The following CHST15 variants were observed in gnomAD, a reference collection of about 807,000 sequenced individuals.
CHST15 encodes B cell RAG associated protein (GALNAC4S-6ST).
In CHST15, 30 loss-of-function variants were observed where a neutral mutation model predicts 53.6. The observed-to-expected ratio is 0.56, with a 90% CI of 0.42 to 0.76. The LOEUF (loss-of-function observed/expected upper bound fraction) is 0.76, where lower values mean the gene tolerates loss of function less well. Among genes scored for constraint, CHST15 ranks in the 30% least tolerant of loss-of-function variants. The probability of loss-of-function intolerance (pLI) is 0.00; values close to 1 mark genes in which losing one functional copy is unlikely to be tolerated. For synonymous variants in CHST15, 296 were observed against 289.8 expected (o/e 1.02, Z -0.22); for missense variants, 627 against 740.5 (o/e 0.85, Z 1.78).
intron 5 of CHST15, among the ~76,000 whole-genome samples, chr10:124,029,167 T>A (rs945744742): frequency 6.6e-6 from 1 of 152,190 alleles, no homozygotes; most frequent in African/African-American, 2.4e-5. Context: ...GATTATATAT[T>A]TTTTTCCTAC....
chr10:124,033,311 C>T (rs1410229603), intron 5 of CHST15, among the ~76,000 whole-genome samples: 1 of 152,248 alleles, frequency 6.6e-6, no homozygotes, highest in East Asian at 1.9e-4. Context: ...GTAACTTACA[C>T]AGAAAATATG....
chr10:124,078,520 T>A (rs1421684191), intron 1 of CHST15, among the ~76,000 whole-genome samples: 1 of 152,218 alleles, frequency 6.6e-6, no homozygotes, highest in Non-Finnish European at 1.5e-5. Context: ...TCTAAGGTTC[T>A]TTATGTCTCA....
chr10:124,080,229 G>A (rs569635310), intron 1 of CHST15, among the ~76,000 whole-genome samples: 69 of 152,258 alleles, frequency 4.5e-4, no homozygotes, highest in African/African-American at 9.1e-4. Flanking sequence ...CAACCCAGGC[G>A]TCCAATAAAC....
intron 1 of CHST15, among the ~76,000 whole-genome samples, chr10:124,088,805 A>G (rs920915804): frequency 4.6e-5 from 7 of 152,228 alleles, no homozygotes; most frequent in African/African-American, 1.7e-4. Context: ...CAATTTAAAA[A>G]ATCTATGTTG....
intron 6 of CHST15, among the ~76,000 whole-genome samples, chr10:124,017,840 T>C (rs1006289418): frequency 3.9e-5 from 6 of 152,026 alleles, no homozygotes; most frequent in African/African-American, 1.5e-4. Flanking sequence ...TGGTGCTGAG[T>C]CTACACTGGC....
At chr10:124,088,602 A>G (rs946223748) in intron 1 of CHST15, among the ~76,000 whole-genome samples, 3 of 151,876 alleles carry the variant, frequency 2.0e-5, no homozygotes, top group African/African-American at 7.3e-5. Flanking sequence ...GTCATTCCCA[A>G]TCCCTCCTCC....
At chr10:124,064,665 G>A (rs1326614941) in intron 1 of CHST15, among the ~76,000 whole-genome samples, 2 of 44,878 alleles carry the variant, frequency 4.5e-5, no homozygotes, top group African/African-American at 1.7e-4. Flanking sequence ...CCCCACCCCC[G>A]AGCCCCCACT....
At position 124,042,374 on chromosome 10, in the gene CHST15, G is replaced by T; in HGVS notation, c.960C>A (p.Ala320=). The change falls in exon 4 of 8, where the codon GCC becomes GCA. Residue 320 remains alanine, a synonymous_variant. Coordinates refer to ENST00000435907, the MANE Select transcript of CHST15 (RefSeq NM_001270764.2). ...GCAGTCCTTGATGGATCTGGTGTGC[G>T]GCCAGGTCAAAGAGGTCCAGATAAT... ...VEDYLDLFDL[A]AHQIHQGLQA... 2 of 1,614,146 alleles carry T rather than the reference G, an allele frequency of 1.2e-6. No homozygotes were observed. The highest frequency in any genetic ancestry group is 1.7e-6 in the Non-Finnish European group (2 of 1,180,006).
At chr10:124,064,735 C>T (rs1231799766) in intron 1 of CHST15, among the ~76,000 whole-genome samples, 1 of 151,938 alleles carries the variant, frequency 6.6e-6, no homozygotes, top group Non-Finnish European at 1.5e-5. Context: ...TCCCAGCCTC[C>T]TTAGCCAGAT....
intron 1 of CHST15, among the ~76,000 whole-genome samples, chr10:124,076,390 A>C (rs1315756361): frequency 6.6e-6 from 1 of 152,174 alleles, no homozygotes. Context: ...AGTCACATGA[A>C]ATTTCCCCAG....
At chr10:124,070,861 G>A (rs972769739) in intron 1 of CHST15, among the ~76,000 whole-genome samples, 4 of 152,128 alleles carry the variant, frequency 2.6e-5, no homozygotes, top group Non-Finnish European at 5.9e-5. Flanking sequence ...AGAACCCGCC[G>A]ACCCACTACC....
chr10:124,032,472 A>AT (rs1224613462), intron 5 of CHST15, among the ~76,000 whole-genome samples: 1 of 152,186 alleles, frequency 6.6e-6, no homozygotes, highest in African/African-American at 2.4e-5. Context: ...CCTTCCACGC[A>AT]TTTTTCACAT....
intron 1 of CHST15, among the ~76,000 whole-genome samples, chr10:124,081,325 C>T (rs1178392555): frequency 1.3e-5 from 2 of 152,072 alleles, no homozygotes; most frequent in Non-Finnish European, 2.9e-5. Context: ...AAGAGCTTAA[C>T]GAATCCAGGT....
chr10:124,042,252 G>A (rs373687134), intron 4 of CHST15, 49 bp downstream of exon 4: 1 of 1,565,742 alleles, frequency 6.4e-7, no homozygotes, highest in Non-Finnish European at 8.7e-7. Flanking sequence ...GCCAGAGCCA[G>A]GACCCCAGGG....
chr10:124,024,256 C>T lies in CHST15; in HGVS notation c.1191-2844G>A, dbSNP rs186550319. ...AATGCGCCTTCTCCACTGCCCTCCC[C>T]TCTAATTGAGGTCATGATATGAGGA... On this transcript the variant is annotated intron_variant, in intron 5 of 7. Transcript: ENST00000435907. The surrounding 1 kb of genome is among the most constrained non-coding windows in gnomAD (Gnocchi z 4.0). 1.4e-3 allele frequency among the ~76,000 whole-genome samples: 208 copies of T among 152,358 alleles called. No homozygotes were observed. The highest frequency in any genetic ancestry group is 2.1e-3 in the Admixed American group (32 of 15,310).
chr10:124,050,918 G>A (rs1275379791), intron 1 of CHST15, among the ~76,000 whole-genome samples: 3 of 151,988 alleles, frequency 2.0e-5, no homozygotes, highest in Admixed American at 6.6e-5. Context: ...GGATTTGCTC[G>A]AGTGCAAGAA....
chr10:124,059,945 G>A (rs1025755543), intron 1 of CHST15, among the ~76,000 whole-genome samples: 2 of 152,208 alleles, frequency 1.3e-5, no homozygotes, highest in East Asian at 1.9e-4. Context: ...AGCCAGGCGA[G>A]TGGAGTTTCT....
At chr10:124,065,220 C>T (rs1487505274) in intron 1 of CHST15, among the ~76,000 whole-genome samples, 1 of 151,972 alleles carries the variant, frequency 6.6e-6, no homozygotes, top group Non-Finnish European at 1.5e-5. Flanking sequence ...CCCATCTCTA[C>T]AAAAAATTTA....
chr10:124,016,405 G>T (rs1946585805), intron 6 of CHST15, among the ~76,000 whole-genome samples: 1 of 152,104 alleles, frequency 6.6e-6, no homozygotes, highest in Admixed American at 6.5e-5. Flanking sequence ...CTCTTTCTCT[G>T]GTGTGTGAGT....
Sources: allele counts gnomAD v4.1 joint callset (sites outside exome capture counted in the v4.1 genomes callset), GRCh38; gene constraint gnomAD v4.1.1; non-coding constraint Gnocchi (gnomAD v3.1); transcripts MANE v1.5; gene names NCBI Gene and HGNC (gene_info 2026-07-23, HGNC 2026-07-21).